Variants in DGKD observed in about 807,000 individuals in gnomAD.
The protein encoded by DGKD is diacylglycerol kinase delta.
In DGKD, 68 loss-of-function variants were observed where a neutral mutation model predicts 154.4. The observed-to-expected ratio is 0.44, with a 90% CI of 0.36 to 0.54. The LOEUF is 0.54. Ranked by LOEUF, DGKD falls within the 20% of genes least tolerant of loss-of-function variation. The pLI, the probability that DGKD is intolerant of heterozygous loss-of-function variation, is 0.00. For missense variants in DGKD, 1,343 were observed against 1,593.6 expected, an observed-to-expected ratio of 0.84 and a Z score of 2.68; for synonymous variants, 693 against 638.0, an observed-to-expected ratio of 1.09 and a Z score of -1.30.
rs1180157126 is a variant in DGKD, at chr2:233,457,167, A to T, written c.2473-54A>T. On this transcript the variant is annotated intron_variant, in intron 20 of 29. Transcript: ENST00000264057. This position sits in a 1 kb window ranked among gnomAD's most constrained non-coding sequence, Gnocchi z 5.5. Reference sequence around the variant, plus strand: ...GGCGGTGGGAAGCTGGTAGAGAAGGAGGGGCTGACTCATACCTTTCTCTTT... The same window carrying T: ...GGCGGTGGGAAGCTGGTAGAGAAGGTGGGGCTGACTCATACCTTTCTCTTT... The T allele has an allele frequency of 1.8e-5, 26 of 1,421,850 alleles. No individual in the cohort carries two copies. The Admixed American group carries it at 5.4e-4, about 29-fold the overall frequency. 88.1% of individuals were successfully genotyped at this position (1,421,850 alleles called of 1,614,324 possible). A position where few individuals can be genotyped will look rare whatever the true frequency, so the allele number is the denominator to read the frequency against.
intron 3 of DGKD, among the ~76,000 whole-genome samples, chr2:233,424,874 G>A (rs2062239462): frequency 6.6e-6 from 1 of 152,200 alleles, no homozygotes; most frequent in African/African-American, 2.4e-5. Context: ...TGCCATGTGT[G>A]TGTAAGCCAG....
chr2:233,420,101 C>G (rs1559525010), intron 3 of DGKD, among the ~76,000 whole-genome samples: 1 of 152,080 alleles, frequency 6.6e-6, no homozygotes, highest in African/African-American at 2.4e-5. Flanking sequence ...CGGCAGGGGC[C>G]TGGTGGGGTG....
At chr2:233,464,063 G>C in intron 26 of DGKD, 101 bp from the exon 27 acceptor site, 1 of 1,519,278 alleles carries the variant, frequency 6.6e-7, no homozygotes, top group Non-Finnish European at 8.9e-7. Flanking sequence ...TCCCTGATCA[G>C]AGCAGAGCAG....
chr2:233,471,682 A>C lies in DGKD; in HGVS notation c.*2222A>C, dbSNP rs898639449. 6.6e-6 allele frequency: 1 copy of C among 152,404 alleles called. No individual in the cohort carries two copies. The highest frequency in any genetic ancestry group is 6.5e-5 in the Admixed American group (1 of 15,294). The allele number at this position is 152,404 out of a possible 1,614,324, so 9.4% of individuals were successfully genotyped here. ...AATTAATATGTTGTCAGTGATTAGA[A>C]CAACACTGTTTACATAAAAACCATT... On this transcript the variant is annotated 3_prime_UTR_variant, in exon 30 of 30. Coordinates refer to ENST00000264057, the MANE Select transcript of DGKD (RefSeq NM_152879.3).
At chr2:233,431,550 A>T (rs1434110434) in intron 3 of DGKD, among the ~76,000 whole-genome samples, 1 of 152,210 alleles carries the variant, frequency 6.6e-6, no homozygotes, top group African/African-American at 2.4e-5. Flanking sequence ...AAATTGGAGG[A>T]ATCACATTTT....
rs570639798 is a variant in DGKD at position 233,408,000 on chromosome 2, A to G, written c.348+17517A>G. 7.9e-5 allele frequency among the ~76,000 whole-genome samples: 12 copies of G among 152,050 alleles called. 1 individual carries two copies. In the South Asian group the frequency reaches 2.3e-3, roughly 29 times the overall value. On this transcript the variant is annotated intron_variant, in intron 3 of 29. Coordinates refer to ENST00000264057, the MANE Select transcript of DGKD (RefSeq NM_152879.3). ...TTGGATTTCAGATATTTTCTGGGCA[A>G]AATTCCTAAGCCAGTTAACTTTGGC...
intron 1 of DGKD, among the ~76,000 whole-genome samples, chr2:233,372,626 T>A (rs747010914): frequency 5.3e-5 from 8 of 152,102 alleles, no homozygotes; most frequent in Non-Finnish European, 1.0e-4. Flanking sequence ...TTTTCTTACA[T>A]TTAAGGGAGA....
chr2:233,427,139 C>G (rs1025893119), intron 3 of DGKD, among the ~76,000 whole-genome samples: 3 of 152,060 alleles, frequency 2.0e-5, no homozygotes, highest in Non-Finnish European at 4.4e-5. Context: ...TCCACTCCTC[C>G]TCTGTGACAT....
intron 3 of DGKD, among the ~76,000 whole-genome samples, chr2:233,400,005 C>T (rs577456363): frequency 4.6e-5 from 7 of 152,268 alleles, no homozygotes; most frequent in African/African-American, 1.7e-4. Context: ...TGATGCATGC[C>T]TCCTAGAAAG....
At position 233,452,329 on chromosome 2, in the gene DGKD, C is replaced by G. The variant is rs994289298; in HGVS notation, c.2264+269C>G. ...TTGACGTCCCCTGAGCCTGCATGCC[C>G]TTCTGAGGCTTTTCACAGGCTCAGC... On this transcript the variant is annotated intron_variant, in intron 18 of 29. Transcript: ENST00000264057. The surrounding 1 kb of genome is among the most constrained non-coding windows in gnomAD (Gnocchi z 4.0). Among the ~76,000 whole-genome samples, 5 of 152,220 alleles carry G rather than the reference C, an allele frequency of 3.3e-5. No homozygotes were observed. Among genetic ancestry groups the G allele is most frequent in the Non-Finnish European group, 7.3e-5 (5 of 68,038 alleles).
intron 3 of DGKD, among the ~76,000 whole-genome samples, chr2:233,401,227 A>G (rs913793332): frequency 6.6e-6 from 1 of 152,088 alleles, no homozygotes; most frequent in Non-Finnish European, 1.5e-5. Flanking sequence ...TTTGGTTGTA[A>G]GGACTAAATG....
intron 3 of DGKD, among the ~76,000 whole-genome samples, chr2:233,397,016 TGG>T (rs71058553): frequency 0.012 from 28 of 2,274 alleles, no homozygotes; most frequent in African/African-American, 0.044. Flanking sequence ...CCAGGGTGGC[TGG>T]GGGGGGGGGC....
intron 1 of DGKD, among the ~76,000 whole-genome samples, chr2:233,362,741 T>G (rs1701842042): frequency 6.6e-6 from 1 of 152,232 alleles, no homozygotes; most frequent in South Asian, 2.1e-4. Context: ...CCGTATGAAC[T>G]GAAAGAACCA....
intron 3 of DGKD, chr2:233,409,174 A>C (rs1011826114): frequency 6.6e-6 from 1 of 152,184 alleles, no homozygotes; most frequent in Non-Finnish European, 1.5e-5. Context: ...AATCTAAGCC[A>C]TTTTCACCTT....
intron 24 of DGKD, among the ~76,000 whole-genome samples, chr2:233,460,715 C>A (rs2063603762): frequency 6.6e-6 from 1 of 152,066 alleles, no homozygotes; most frequent in East Asian, 1.9e-4. Flanking sequence ...ATGGTGAAAC[C>A]CCGTCTCTAC....
chr2:233,460,284 TCCG>T lies in DGKD; in HGVS notation c.2921_2923del (p.Ser974_Glu975delinsTer). ...CTGTTCCCTGCACCCGGAGATGCTG[TCCG>T]AGGAGGAGGCCACCCAGATGGACCA... On this transcript the variant is annotated stop_gained and inframe_deletion, in exon 24 of 30. Coordinates refer to ENST00000264057, the MANE Select transcript of DGKD (RefSeq NM_152879.3). LOFTEE classifies it high-confidence loss of function. 6.2e-7 allele frequency: 1 copy of T among 1,613,964 alleles called. No individual in the cohort carries two copies. Among genetic ancestry groups the T allele is most frequent in the Non-Finnish European group, 8.5e-7 (1 of 1,179,978 alleles).
chr2:233,442,895 C>T (rs548386634), intron 10 of DGKD, among the ~76,000 whole-genome samples: 6 of 152,292 alleles, frequency 3.9e-5, no homozygotes, highest in South Asian at 2.1e-4. Context: ...TGAGCCACCG[C>T]GCCCGGCCTG....
intron 3 of DGKD, among the ~76,000 whole-genome samples, chr2:233,422,494 G>A (rs1045863459): frequency 6.6e-6 from 1 of 152,158 alleles, no homozygotes; most frequent in African/African-American, 2.4e-5. Flanking sequence ...CACCCCTCCT[G>A]ACATAGAGGA....
chr2:233,407,346 G>A (rs1268479401), intron 3 of DGKD, among the ~76,000 whole-genome samples: 1 of 152,136 alleles, frequency 6.6e-6, no homozygotes, highest in African/African-American at 2.4e-5. Context: ...AGTTTTCAAG[G>A]TATAATCAAT....
Sources: allele counts gnomAD v4.1 joint callset (sites outside exome capture counted in the v4.1 genomes callset), GRCh38; gene constraint gnomAD v4.1.1; non-coding constraint Gnocchi (gnomAD v3.1); transcripts MANE v1.5; gene names NCBI Gene and HGNC (gene_info 2026-07-23, HGNC 2026-07-21).